The following RSRC1 variants were observed in gnomAD, a reference collection of about 807,000 sequenced individuals.
RSRC1 encodes serine/Arginine-related protein 53.
A neutral mutation model predicts 49.1 loss-of-function variants in RSRC1; 39 were observed. That is an observed-to-expected ratio of 0.79 (90% CI 0.61 to 1.04). The LOEUF is 1.04. RSRC1 is among the 50% of genes least tolerant of loss of function. The probability of loss-of-function intolerance (pLI) is 0.00; values close to 1 mark genes in which losing one functional copy is unlikely to be tolerated. For missense variants in RSRC1, 388 were observed against 402.4 expected (o/e 0.96, Z 0.31); for synonymous variants, 143 against 130.8 (o/e 1.09, Z -0.63).
At chr3:158,142,769 C>T (rs1716828886) in intron 3 of RSRC1, among the ~76,000 whole-genome samples, 1 of 100,272 alleles carries the variant, frequency 1.0e-5, no homozygotes, top group Non-Finnish European at 2.2e-5. Flanking sequence ...ATACACCTCC[C>T]ACCAGGGTCC....
At chr3:158,456,844 T>G (rs1737353781) in intron 6 of RSRC1, among the ~76,000 whole-genome samples, 1 of 152,124 alleles carries the variant, frequency 6.6e-6, no homozygotes, top group South Asian at 2.1e-4. Flanking sequence ...GATCAGGCTG[T>G]GAAGCACTTT....
intron 6 of RSRC1, among the ~76,000 whole-genome samples, chr3:158,363,636 A>G (rs545140437): frequency 6.6e-6 from 1 of 152,334 alleles, no homozygotes; most frequent in Non-Finnish European, 1.5e-5. Flanking sequence ...ATAATATTAC[A>G]AAATGCATAA....
intron 4 of RSRC1, among the ~76,000 whole-genome samples, chr3:158,260,507 C>T (rs984841604): frequency 2.0e-5 from 3 of 152,120 alleles, no homozygotes; most frequent in South Asian, 2.1e-4. Flanking sequence ...TCCAGAGCTG[C>T]ACCTGTTCTG....
At chr3:158,519,075 C>T (rs1711522525) in intron 7 of RSRC1, among the ~76,000 whole-genome samples, 1 of 152,162 alleles carries the variant, frequency 6.6e-6, no homozygotes, top group Non-Finnish European at 1.5e-5. Flanking sequence ...AACTCAACTA[C>T]ACCCATTCAG....
intron 7 of RSRC1, among the ~76,000 whole-genome samples, chr3:158,469,052 G>A (rs1353375100): frequency 6.6e-6 from 1 of 152,052 alleles, no homozygotes; most frequent in East Asian, 1.9e-4. Flanking sequence ...ATATGAAGGA[G>A]AGAATATATC....
chr3:158,355,002 T>A lies in RSRC1; in HGVS notation c.583+94T>A, dbSNP rs1731084362. On this transcript the variant is annotated intron_variant, in intron 6 of 9. Coordinates refer to ENST00000611884, the MANE Select transcript of RSRC1 (RefSeq NM_001271838.2). Reference sequence around the variant, plus strand: ...TAGAAATGAGTAAAAAAAAAAACACTATTTTTATATATCCTCACAAATTTA... The same window carrying A: ...TAGAAATGAGTAAAAAAAAAAACACAATTTTTATATATCCTCACAAATTTA... The A allele has an allele frequency of 5.5e-6, 4 of 721,106 alleles. No homozygotes were observed. The East Asian group carries it at 9.3e-5, about 17-fold the overall frequency. The allele number at this position is 721,106 out of a possible 1,614,324, so 44.7% of individuals were successfully genotyped here. A position where few individuals can be genotyped will look rare whatever the true frequency, so the allele number is the denominator to read the frequency against.
Position 158,316,438 on chromosome 3 carries a change from A to ATTTT in RSRC1, c.531+18386_531+18389dup, listed in dbSNP as rs564633575. Among the ~76,000 whole-genome samples the ATTTT allele has an allele frequency of 1.4e-4, 10 of 72,220 alleles. 1 individual carries two copies. The highest frequency in any genetic ancestry group is 1.9e-4 in the Non-Finnish European group (8 of 42,352). 47.4% of individuals were successfully genotyped at this position (72,220 alleles called of 152,430 possible). On this transcript the variant is annotated intron_variant, in intron 5 of 9. Coordinates refer to ENST00000611884, the MANE Select transcript of RSRC1 (RefSeq NM_001271838.2). ...TAATCAGTCCACTGCAGAATCTCTC[A>ATTTT]TTTTTTTTTTTTTTTTTTTTTTTTT...
intron 7 of RSRC1, among the ~76,000 whole-genome samples, chr3:158,474,386 CG>C (rs1448259665): frequency 2.0e-5 from 3 of 152,116 alleles, no homozygotes; most frequent in Non-Finnish European, 1.5e-5. Context: ...AAAATGCAAA[CG>C]ATCATCTGAG....
At chr3:158,315,713 A>G (rs1272692916) in intron 5 of RSRC1, among the ~76,000 whole-genome samples, 1 of 152,204 alleles carries the variant, frequency 6.6e-6, no homozygotes, top group Admixed American at 6.5e-5. Context: ...ATTTATTACT[A>G]GACAGATTTA....
At chr3:158,446,752 A>G (rs1024083255) in intron 6 of RSRC1, among the ~76,000 whole-genome samples, 2 of 151,954 alleles carry the variant, frequency 1.3e-5, no homozygotes, top group Admixed American at 6.6e-5. Flanking sequence ...TGCCATTACT[A>G]TTGCTTAATT....
chr3:158,416,053 A>T (rs898197604), intron 6 of RSRC1, among the ~76,000 whole-genome samples: 1 of 151,988 alleles, frequency 6.6e-6, no homozygotes, highest in Admixed American at 6.6e-5. Flanking sequence ...CACATACTTG[A>T]TACCTATTTT....
At chr3:158,283,403 A>G (rs1328613850) in intron 4 of RSRC1, among the ~76,000 whole-genome samples, 4 of 152,186 alleles carry the variant, frequency 2.6e-5, no homozygotes, top group African/African-American at 9.7e-5. Flanking sequence ...CCACTGTCAA[A>G]TACTGTTTAC....
At chr3:158,276,042 C>A in intron 4 of RSRC1, 1 of 853,564 alleles carries the variant, frequency 1.2e-6, no homozygotes, top group Non-Finnish European at 2.0e-6. Context: ...CAAAAAATTT[C>A]TATGTGGGAT....
chr3:158,486,134 C>G (rs1738811168), intron 7 of RSRC1, among the ~76,000 whole-genome samples: 2 of 152,074 alleles, frequency 1.3e-5, no homozygotes, highest in African/African-American at 4.8e-5. Context: ...TAAGAAAATG[C>G]AAATATATTG....
At chr3:158,307,350 T>C (rs1386686302) in intron 5 of RSRC1, among the ~76,000 whole-genome samples, 1 of 151,900 alleles carries the variant, frequency 6.6e-6, no homozygotes, top group Non-Finnish European at 1.5e-5. Context: ...GGTTCTTGAA[T>C]ATGTGATTCT....
chr3:158,227,485 A>G (rs1268802669), intron 4 of RSRC1, among the ~76,000 whole-genome samples: 1 of 151,814 alleles, frequency 6.6e-6, no homozygotes, highest in Non-Finnish European at 1.5e-5. Flanking sequence ...GTTATTGACT[A>G]TATAAACCTT....
chr3:158,277,995 A>G (rs1181256142), intron 4 of RSRC1, among the ~76,000 whole-genome samples: 2 of 152,202 alleles, frequency 1.3e-5, no homozygotes, highest in Non-Finnish European at 2.9e-5. Context: ...AAAGTGGTTT[A>G]GGATAAAAGT....
chr3:158,494,652 T>C (rs943496126), intron 7 of RSRC1, among the ~76,000 whole-genome samples: 5 of 152,214 alleles, frequency 3.3e-5, no homozygotes, highest in Non-Finnish European at 5.9e-5. Flanking sequence ...AAAATATTTT[T>C]CTTATACCTT....
chr3:158,135,643 G>C (rs531561258), intron 3 of RSRC1, among the ~76,000 whole-genome samples: 6 of 150,954 alleles, frequency 4.0e-5, no homozygotes, highest in African/African-American at 9.7e-5. Context: ...TTCTTCACAT[G>C]GTAGCCAAAA....
Sources: gnomAD v4.1 joint callset for allele counts (sites outside exome capture counted in the v4.1 genomes callset) on GRCh38, gnomAD v4.1.1 for gene constraint, MANE v1.5 for transcripts, NCBI Gene and HGNC (gene_info 2026-07-23, HGNC 2026-07-21) for gene names.